TENM2: variants seen among roughly 807,000 people sequenced by gnomAD.
The protein encoded by TENM2 is teneurin transmembrane protein 2, also known as teneurin-2.
In TENM2, 52 loss-of-function variants were observed where a neutral mutation model predicts 245.2. The ratio of observed to expected loss-of-function variants is 0.21; its 90% CI spans 0.17 to 0.27. TENM2 has a LOEUF of 0.27. Among genes scored for constraint, TENM2 ranks in the 10% least tolerant of loss-of-function variants. The pLI, the probability that TENM2 is intolerant of heterozygous loss-of-function variation, is 1.00. For synonymous variants in TENM2, 1,363 were observed against 1,438.9 expected, an observed-to-expected ratio of 0.95 and a Z score of 1.19; for missense variants, 3,046 against 3,666.8, an observed-to-expected ratio of 0.83 and a Z score of 4.37.
At chr5:167,709,500 T>G (rs1758763887) in intron 2 of TENM2, among the ~76,000 whole-genome samples, 1 of 152,128 alleles carries the variant, frequency 6.6e-6, no homozygotes, top group African/African-American at 2.4e-5. Context: ...CTTATAACAG[T>G]AAAACTAGAG....
At chr5:167,608,297 C>A (rs1777201979) in intron 2 of TENM2, among the ~76,000 whole-genome samples, 1 of 152,136 alleles carries the variant, frequency 6.6e-6, no homozygotes, top group African/African-American at 2.4e-5. Context: ...ATCTTGGGGA[C>A]TGTCTCTTGT....
At chr5:167,923,068 A>AGGTC (rs1777491950) in intron 3 of TENM2, among the ~76,000 whole-genome samples, 2 of 152,200 alleles carry the variant, frequency 1.3e-5, no homozygotes, top group East Asian at 3.9e-4. Context: ...TCATGTCTGT[A>AGGTC]ATCCCAGCAC....
Position 167,493,789 on chromosome 5 carries a change from A to G in TENM2, c.502+118316A>G, listed in dbSNP as rs59148023. On this transcript the variant is annotated intron_variant, in intron 2 of 28. Transcript: ENST00000518659. ...CGGCATATATGTTCATATATCTATA[A>G]CAGGAAAGAAGGAGTATTTGGCTTC... 6.1e-3 allele frequency among the ~76,000 whole-genome samples: 934 copies of G among 152,208 alleles called. 14 individuals carry two copies. The highest frequency in any genetic ancestry group is 0.022 in the African/African-American group (895 of 41,538).
At chr5:168,014,497 C>T (rs902828399) in intron 5 of TENM2, among the ~76,000 whole-genome samples, 3 of 152,116 alleles carry the variant, frequency 2.0e-5, no homozygotes, top group African/African-American at 7.2e-5. Flanking sequence ...GTTTCCTGCT[C>T]ATCAATGCCA....
the TENM2 span, among the ~76,000 whole-genome samples, chr5:167,094,916 A>G: frequency 4.2e-4 from 64 of 152,372 alleles, no homozygotes; most frequent in African/African-American, 1.5e-3. Flanking sequence ...AATAAACATC[A>G]TATGGGCTTC....
At chr5:167,801,104 AAAAAAATATAT>A (rs1386577165) in intron 2 of TENM2, among the ~76,000 whole-genome samples, 7 of 64,124 alleles carry the variant, frequency 1.1e-4, no homozygotes, top group African/African-American at 3.5e-4. Flanking sequence ...AGAAAAAAAA[AAAAAAATATAT>A]ATATATATAT....
chr5:167,801,133 T>A (rs867691690), intron 2 of TENM2, among the ~76,000 whole-genome samples: 1,411 of 102,492 alleles, frequency 0.014, 59 homozygotes, highest in East Asian at 0.05. Flanking sequence ...TATATATATA[T>A]ATATATATAT....
chr5:167,800,812 A>G (rs1438049265), intron 2 of TENM2, among the ~76,000 whole-genome samples: 1 of 152,042 alleles, frequency 6.6e-6, no homozygotes, highest in East Asian at 1.9e-4. Flanking sequence ...CCCTTCAATT[A>G]TCCCAGAACC....
intron 4 of TENM2, among the ~76,000 whole-genome samples, chr5:167,970,178 A>G (rs1298705599): frequency 1.3e-5 from 2 of 152,190 alleles, no homozygotes; most frequent in African/African-American, 4.8e-5. Flanking sequence ...GCTGATTCCA[A>G]TAAGAAGTCG....
the TENM2 span, among the ~76,000 whole-genome samples, chr5:167,070,955 C>T: frequency 6.6e-6 from 1 of 152,002 alleles, no homozygotes; most frequent in Non-Finnish European, 1.5e-5. Flanking sequence ...ATAGATAATT[C>T]TTAACTTATC....
At chr5:167,973,797 C>T (rs1014842668) in intron 4 of TENM2, among the ~76,000 whole-genome samples, 6 of 151,918 alleles carry the variant, frequency 3.9e-5, no homozygotes, top group Admixed American at 2.6e-4. Flanking sequence ...GTCTCATGGC[C>T]CAAGTCAAGG....
At chr5:167,369,424 G>A (rs569600062) in intron 1 of TENM2, among the ~76,000 whole-genome samples, 28 of 150,670 alleles carry the variant, frequency 1.9e-4, no homozygotes, top group Non-Finnish European at 3.7e-4. Flanking sequence ...TTAGATTTTC[G>A]TTATTCTGTG....
chr5:166,997,966 C>A, the TENM2 span, among the ~76,000 whole-genome samples: 25 of 151,894 alleles, frequency 1.6e-4, no homozygotes, highest in South Asian at 4.6e-3. Context: ...TTATGTACTC[C>A]CTCTAGTTTC....
chr5:167,213,439 T>C, the TENM2 span, among the ~76,000 whole-genome samples: 1 of 152,166 alleles, frequency 6.6e-6, no homozygotes, highest in Non-Finnish European at 1.5e-5. Context: ...GTAAAGATAC[T>C]AATTCCATTC....
intron 2 of TENM2, among the ~76,000 whole-genome samples, chr5:167,659,325 C>A (rs1455165063): frequency 1.3e-5 from 2 of 152,202 alleles, no homozygotes; most frequent in African/African-American, 2.4e-5. Flanking sequence ...GAGAGTGAAG[C>A]TTTGCAAGGA....
the TENM2 span, among the ~76,000 whole-genome samples, chr5:166,981,900 A>T: frequency 1.9e-4 from 29 of 152,276 alleles, no homozygotes; most frequent in South Asian, 6.0e-3. Flanking sequence ...TTACTATTCA[A>T]ACAACTGGAT....
At chr5:167,181,220 C>T in the TENM2 span, among the ~76,000 whole-genome samples, 2 of 151,982 alleles carry the variant, frequency 1.3e-5, no homozygotes, top group South Asian at 2.1e-4. Flanking sequence ...AAAATGCTGA[C>T]CTGGTTGGCC....
In TENM2 at chr5:167,699,455, A is replaced by G. The variant is rs1289943020; in HGVS notation, c.503-176531A>G. On this transcript the variant is annotated intron_variant, in intron 2 of 28. Transcript: ENST00000518659. The stretch of plus-strand genomic sequence containing the variant: ...ATTTTACCTTATTTTTAAGTCAGAG[A>G]ATTGTGTACTTGAAAAGACCTCTTT... Among the ~76,000 whole-genome samples the G allele has an allele frequency of 2.6e-5, 4 of 152,176 alleles. No individual in the cohort carries two copies. In the East Asian group the frequency reaches 5.8e-4, roughly 22 times the overall value.
chr5:167,184,215 G>T, the TENM2 span, among the ~76,000 whole-genome samples: 1 of 152,190 alleles, frequency 6.6e-6, no homozygotes, highest in Non-Finnish European at 1.5e-5. Context: ...ATAGGGGGAA[G>T]AGCATGAGGT....
Sources: allele counts gnomAD v4.1 joint callset (sites outside exome capture counted in the v4.1 genomes callset), GRCh38; gene constraint gnomAD v4.1.1; transcripts MANE v1.5; gene names NCBI Gene and HGNC (gene_info 2026-07-23, HGNC 2026-07-21).